ARHGAP29: variants seen among roughly 807,000 people sequenced by gnomAD.
The protein encoded by ARHGAP29 is Rho GTPase activating protein 29.
Under a neutral mutation model 122.6 loss-of-function variants are expected in ARHGAP29, and 43 were observed. The ratio of observed to expected loss-of-function variants is 0.35; its 90% CI spans 0.27 to 0.45. The LOEUF is 0.45. Among genes scored for constraint, ARHGAP29 ranks in the 20% least tolerant of loss-of-function variants. The pLI, the probability that ARHGAP29 is intolerant of heterozygous loss-of-function variation, is 1.00. For synonymous variants in ARHGAP29, 506 were observed against 497.1 expected (o/e 1.02, Z -0.24); for missense variants, 1,303 against 1,477.2 (o/e 0.88, Z 1.93).
At chr1:94,210,465 C>G (rs1409146452) in intron 3 of ARHGAP29, among the ~76,000 whole-genome samples, 1 of 152,162 alleles carries the variant, frequency 6.6e-6, no homozygotes, top group East Asian at 1.9e-4. Flanking sequence ...AATTCCTAGG[C>G]AGGAGTGAAT....
intron 19 of ARHGAP29, among the ~76,000 whole-genome samples, chr1:94,183,203 AAT>A (rs1005038489): frequency 8.8e-4 from 93 of 105,572 alleles, no homozygotes; most frequent in Middle Eastern, 0.013. Context: ...AATTAAAAAA[AAT>A]TTTTTTTTTT....
Position 94,172,852 on chromosome 1 carries a change from C to G in ARHGAP29, c.*1017G>C, listed in dbSNP as rs942943426. 1 of 152,606 alleles carries G rather than the reference C, an allele frequency of 6.6e-6. No homozygotes were observed. The highest frequency in any genetic ancestry group is 2.4e-5 in the African/African-American group (1 of 41,564). 9.5% of individuals were successfully genotyped at this position (152,606 alleles called of 1,614,324 possible). A position where few individuals can be genotyped will look rare whatever the true frequency, so the allele number is the denominator to read the frequency against. ...CTCAAATTCCAAATAATGAGGCTTA[C>G]TGACCTGTACTCTCAGAATCAACTT... is the stretch of plus-strand genomic sequence containing the variant. On this transcript the variant is annotated 3_prime_UTR_variant, in exon 23 of 23. Transcript: ENST00000260526.
At chr1:94,313,553 C>T in the ARHGAP29 span, among the ~76,000 whole-genome samples, 3 of 152,156 alleles carry the variant, frequency 2.0e-5, no homozygotes, top group Non-Finnish European at 4.4e-5. Flanking sequence ...ATTAGTTCAA[C>T]CATTGTGGAA....
chr1:94,235,847 A>C (rs144285046), intron 1 of ARHGAP29, among the ~76,000 whole-genome samples: 1 of 152,118 alleles, frequency 6.6e-6, no homozygotes, highest in Admixed American at 6.5e-5. Context: ...CCTATCCCCC[A>C]CGACTGCAGG....
chr1:94,208,127 C>T (rs985854208), intron 5 of ARHGAP29, among the ~76,000 whole-genome samples: 2 of 151,958 alleles, frequency 1.3e-5, no homozygotes, highest in African/African-American at 4.8e-5. Flanking sequence ...TGTGTGCCAC[C>T]ACACCTGGCT....
chr1:94,242,139 C>A (rs1020087136), upstream of ARHGAP29, among the ~76,000 whole-genome samples: 2 of 152,074 alleles, frequency 1.3e-5, no homozygotes, highest in Non-Finnish European at 2.9e-5. Flanking sequence ...TACAGCAAAA[C>A]ACAACAAGGA....
chr1:94,264,922 C>T (rs763434306), intron 1 of ARHGAP29, among the ~76,000 whole-genome samples: 1 of 152,188 alleles, frequency 6.6e-6, no homozygotes, highest in African/African-American at 2.4e-5. Flanking sequence ...TAGCTTTGCC[C>T]CTGACTCTGG....
chr1:94,314,547 G>A, the ARHGAP29 span, among the ~76,000 whole-genome samples: 1 of 152,100 alleles, frequency 6.6e-6, no homozygotes, highest in South Asian at 2.1e-4. Flanking sequence ...AGTTGACCAA[G>A]TCCTCCACCC....
the ARHGAP29 span, among the ~76,000 whole-genome samples, chr1:94,293,551 C>T: frequency 6.6e-6 from 1 of 152,160 alleles, no homozygotes; most frequent in Non-Finnish European, 1.5e-5. Flanking sequence ...AGAAATCACT[C>T]GTCTTCTGCG....
Position 94,184,847 on chromosome 1 carries a change from T to A in ARHGAP29, c.2109+25A>T, listed in dbSNP as rs532616954. The stretch of plus-strand genomic sequence containing the variant: ...AGGTTACACAGGCATTTATGCTTTT[T>A]AAAATTTTAAGAGTTATAATGTACC... On this transcript the variant is annotated intron_variant, in intron 18 of 22. Coordinates refer to ENST00000260526, the MANE Select transcript of ARHGAP29 (RefSeq NM_004815.4). 9.2e-6 allele frequency: 14 copies of A among 1,523,212 alleles called. No homozygotes were observed. The African/African-American group carries it at 1.3e-4, about 14-fold the overall frequency. The allele number at this position is 1,523,212 out of a possible 1,614,324, so 94.4% of individuals were successfully genotyped here. A position where few individuals can be genotyped will look rare whatever the true frequency, so the allele number is the denominator to read the frequency against.
intron 1 of ARHGAP29, among the ~76,000 whole-genome samples, chr1:94,270,284 A>C (rs905074967): frequency 3.3e-5 from 5 of 152,196 alleles, no homozygotes; most frequent in East Asian, 1.9e-4. Context: ...CTCCAAAGCA[A>C]GAGACATAGC....
chr1:94,284,543 A>T, the ARHGAP29 span, among the ~76,000 whole-genome samples: 1 of 152,220 alleles, frequency 6.6e-6, no homozygotes, highest in African/African-American at 2.4e-5. Flanking sequence ...TTACTTCTGG[A>T]CAGAAGTTTT....
At chr1:94,267,207 T>A (rs1174628201) in intron 1 of ARHGAP29, among the ~76,000 whole-genome samples, 1 of 152,204 alleles carries the variant, frequency 6.6e-6, no homozygotes, top group Admixed American at 6.5e-5. Context: ...AACTGGGACC[T>A]TATGGGGCCA....
intron 1 of ARHGAP29, among the ~76,000 whole-genome samples, chr1:94,245,349 TAAAC>T (rs1423122652): frequency 6.6e-6 from 1 of 152,142 alleles, no homozygotes; most frequent in Non-Finnish European, 1.5e-5. Flanking sequence ...CATCAACAGA[TAAAC>T]AAACTGTGGT....
intron 1 of ARHGAP29, among the ~76,000 whole-genome samples, chr1:94,265,689 G>C (rs1166955261): frequency 6.6e-6 from 1 of 152,098 alleles, no homozygotes; most frequent in African/African-American, 2.4e-5. Flanking sequence ...AACAGTTGTG[G>C]GGGTCTCCCA....
intron 12 of ARHGAP29, among the ~76,000 whole-genome samples, chr1:94,199,051 T>G (rs527694971): frequency 6.6e-6 from 1 of 151,648 alleles, no homozygotes; most frequent in African/African-American, 2.4e-5. Context: ...TGGAATCACT[T>G]GGACACAGGG....
At chr1:94,229,624 T>C (rs1652811630) in intron 2 of ARHGAP29, among the ~76,000 whole-genome samples, 1 of 151,714 alleles carries the variant, frequency 6.6e-6, no homozygotes, top group Non-Finnish European at 1.5e-5. Flanking sequence ...TGGCCATAAA[T>C]TGCAAACTTT....
the ARHGAP29 span, among the ~76,000 whole-genome samples, chr1:94,299,740 G>A: frequency 1.4e-4 from 22 of 152,220 alleles, no homozygotes; most frequent in African/African-American, 5.3e-4. Flanking sequence ...ACCCTCTGGG[G>A]ATAAGGGAGC....
At chr1:94,231,232 T>C (rs915796451) in intron 2 of ARHGAP29, among the ~76,000 whole-genome samples, 175 bp downstream of exon 2, 6 of 152,064 alleles carry the variant, frequency 3.9e-5, no homozygotes, top group Admixed American at 2.6e-4. Context: ...TATTACACTA[T>C]TATCTGATTA....
Sources: allele counts gnomAD v4.1 joint callset (sites outside exome capture counted in the v4.1 genomes callset), GRCh38; gene constraint gnomAD v4.1.1; transcripts MANE v1.5; gene names NCBI Gene and HGNC (gene_info 2026-07-23, HGNC 2026-07-21).